SLC35F1: variants seen among roughly 807,000 people sequenced by gnomAD.
The protein encoded by SLC35F1 is chromosome 6 open reading frame 169.
SLC35F1 carries 14 observed loss-of-function variants against 48.7 expected under a neutral mutation model. That is an observed-to-expected ratio of 0.29 (90% CI 0.19 to 0.45). The LOEUF (loss-of-function observed/expected upper bound fraction) is 0.45, where lower values mean the gene tolerates loss of function less well. Ranked by LOEUF, SLC35F1 falls within the 20% of genes least tolerant of loss-of-function variation. The probability of loss-of-function intolerance (pLI) is 1.00; values close to 1 mark genes in which losing one functional copy is unlikely to be tolerated. For missense variants in SLC35F1, 404 were observed against 500.0 expected (o/e 0.81, Z 1.83); for synonymous variants, 190 against 202.2 (o/e 0.94, Z 0.51).
chr6:118,271,585 A>G (rs1183061160), intron 4 of SLC35F1, among the ~76,000 whole-genome samples: 2 of 152,200 alleles, frequency 1.3e-5, no homozygotes, highest in Non-Finnish European at 2.9e-5. Flanking sequence ...CTAGAATAAT[A>G]TAACTCACCA....
intron 1 of SLC35F1, among the ~76,000 whole-genome samples, chr6:117,924,550 A>G (rs897373025): frequency 1.3e-5 from 2 of 149,792 alleles, no homozygotes. Context: ...TTCCATATAT[A>G]TGTGTATTTA....
chr6:118,310,508 T>C (rs569414480), intron 7 of SLC35F1, among the ~76,000 whole-genome samples: 1 of 152,304 alleles, frequency 6.6e-6, no homozygotes, highest in Non-Finnish European at 1.5e-5. Flanking sequence ...AATAAAACTT[T>C]TTTTACTTTT....
At chr6:118,222,195 C>T (rs1464585804) in intron 2 of SLC35F1, among the ~76,000 whole-genome samples, 3 of 152,120 alleles carry the variant, frequency 2.0e-5, no homozygotes, top group Non-Finnish European at 4.4e-5. Flanking sequence ...GCCTGAGATT[C>T]TGCATTTTAA....
Position 118,293,455 on chromosome 6 carries a change from A to G in SLC35F1, c.1002+8117A>G, listed in dbSNP as rs953114108. 4.6e-5 allele frequency among the ~76,000 whole-genome samples: 7 copies of G among 152,172 alleles called. No individual in the cohort carries two copies. The East Asian group carries it at 5.8e-4, about 13-fold the overall frequency. On this transcript the variant is annotated intron_variant, in intron 7 of 7. Transcript: ENST00000360388. ...CCTGCTTTTCTCTTTTGGACCTGCT[A>G]TTACATTCAGCCCACCCAGATAATT...
intron 1 of SLC35F1, among the ~76,000 whole-genome samples, chr6:118,135,155 C>T (rs929203568): frequency 1.1e-4 from 17 of 152,140 alleles, no homozygotes; most frequent in Non-Finnish European, 2.2e-4. Flanking sequence ...GCCTTACATC[C>T]GATCTTTAGT....
chr6:117,907,723 C>T lies in SLC35F1; in HGVS notation c.-4C>T. On this transcript the variant is annotated 5_prime_UTR_variant, in exon 1 of 8. Transcript: ENST00000360388. ...ATCGCCGCCGCGCCTCAGCCTCTGC[C>T]GCGATGATCCCCCCTGAGCAGCCGC... 2 of 1,512,564 alleles carry T rather than the reference C, an allele frequency of 1.3e-6. No homozygotes were observed. Among genetic ancestry groups the T allele is most frequent in the African/African-American group, 2.9e-5 (2 of 69,602 alleles). The allele number at this position is 1,512,564 out of a possible 1,614,324, so 93.7% of individuals were successfully genotyped here.
At chr6:118,048,093 CGTT>C (rs1772327099) in intron 1 of SLC35F1, among the ~76,000 whole-genome samples, 1 of 151,990 alleles carries the variant, frequency 6.6e-6, no homozygotes, top group Non-Finnish European at 1.5e-5. Context: ...TAGCATGAAG[CGTT>C]GTTGATTTTT....
chr6:118,191,510 G>A (rs1774733051), intron 2 of SLC35F1, among the ~76,000 whole-genome samples: 1 of 152,176 alleles, frequency 6.6e-6, no homozygotes, highest in Admixed American at 6.5e-5. Flanking sequence ...ATTCCAATGG[G>A]TGTACAGTTC....
intron 1 of SLC35F1, among the ~76,000 whole-genome samples, chr6:118,141,568 C>T (rs1230216175): frequency 6.6e-6 from 1 of 152,208 alleles, no homozygotes; most frequent in East Asian, 1.9e-4. Flanking sequence ...CTGTGAGGGG[C>T]CCCCTTCCTG....
chr6:117,917,224 G>A (rs1031644255), intron 1 of SLC35F1, among the ~76,000 whole-genome samples: 1 of 152,108 alleles, frequency 6.6e-6, no homozygotes, highest in African/African-American at 2.4e-5. Context: ...TCTTCATAAT[G>A]ATGTGAAAGA....
intron 1 of SLC35F1, among the ~76,000 whole-genome samples, chr6:118,006,821 A>T (rs1358285903): frequency 6.6e-6 from 1 of 152,066 alleles, no homozygotes; most frequent in Non-Finnish European, 1.5e-5. Flanking sequence ...GAAGTAGCTC[A>T]TGAGATGAGT....
chr6:117,938,152 G>A (rs1484204006), intron 1 of SLC35F1, among the ~76,000 whole-genome samples: 1 of 152,010 alleles, frequency 6.6e-6, no homozygotes, highest in African/African-American at 2.4e-5. Flanking sequence ...TATTTTGGGG[G>A]GCTCTGGGGT....
At chr6:118,182,523 GGAAGGAAGGAA>G (rs1774595383) in intron 2 of SLC35F1, among the ~76,000 whole-genome samples, 2 of 105,270 alleles carry the variant, frequency 1.9e-5, no homozygotes, top group Admixed American at 1.7e-4. Flanking sequence ...AGAGAGAGAA[GGAAGGAAGGAA>G]GGAAGGAAGG....
chr6:117,928,770 C>T (rs1047386051), intron 1 of SLC35F1, among the ~76,000 whole-genome samples: 2 of 152,072 alleles, frequency 1.3e-5, no homozygotes, highest in African/African-American at 4.8e-5. Flanking sequence ...ATGCTAACAG[C>T]TTGCTTCAAT....
At chr6:117,998,971 A>G (rs564844029) in intron 1 of SLC35F1, 2 of 1,059,728 alleles carry the variant, frequency 1.9e-6, no homozygotes, top group South Asian at 2.5e-5. Flanking sequence ...CTTATGGTGC[A>G]GACATGGCCA....
intron 2 of SLC35F1, among the ~76,000 whole-genome samples, chr6:118,190,316 T>A (rs1213390131): frequency 2.0e-5 from 3 of 152,074 alleles, no homozygotes; most frequent in Non-Finnish European, 2.9e-5. Context: ...GATCTATGTG[T>A]TTCCTTAAAA....
At chr6:118,128,786 A>G (rs1356866064) in intron 1 of SLC35F1, among the ~76,000 whole-genome samples, 1 of 151,840 alleles carries the variant, frequency 6.6e-6, no homozygotes, top group African/African-American at 2.4e-5. Flanking sequence ...CATTGTGCAC[A>G]TGTACCCAAA....
At position 118,142,516 on chromosome 6, in the gene SLC35F1, C is replaced by G. The variant is rs558787291; in HGVS notation, c.174-11929C>G. Among the ~76,000 whole-genome samples, 41 of 152,088 alleles carry G rather than the reference C, an allele frequency of 2.7e-4. 1 individual carries two copies. Among genetic ancestry groups the G allele is most frequent in the African/African-American group, 9.9e-4 (41 of 41,520 alleles). On this transcript the variant is annotated intron_variant, in intron 1 of 7. Coordinates refer to ENST00000360388, the MANE Select transcript of SLC35F1 (RefSeq NM_001029858.4). ...ATCCCTTTCTTCTAATTGCCTTTTT[C>G]TCTGTTAAGCCTGAAGCAGGAGTGG... is the stretch of plus-strand genomic sequence containing the variant.
intron 2 of SLC35F1, among the ~76,000 whole-genome samples, chr6:118,182,690 G>A (rs1215591203): frequency 6.6e-6 from 1 of 152,056 alleles, no homozygotes. Flanking sequence ...CCAACATGAT[G>A]AGACCTCATC....
Sources: allele counts gnomAD v4.1 joint callset (sites outside exome capture counted in the v4.1 genomes callset), GRCh38; gene constraint gnomAD v4.1.1; transcripts MANE v1.5; gene names NCBI Gene and HGNC (gene_info 2026-07-23, HGNC 2026-07-21).